Variants in MRTFA observed in about 807,000 individuals in gnomAD.
MRTFA encodes the protein myocardin-related transcription factor A.
A neutral mutation model predicts 83.5 loss-of-function variants in MRTFA; 20 were observed. The ratio of observed to expected loss-of-function variants is 0.24; its 90% CI spans 0.17 to 0.35. The LOEUF (loss-of-function observed/expected upper bound fraction) is 0.35. Ranked by LOEUF, MRTFA falls within the 10% of genes least tolerant of loss-of-function variation. The pLI is 1.00. For missense variants in MRTFA, 1,200 were observed against 1,224.7 expected (o/e 0.98, Z 0.30); for synonymous variants, 659 against 541.2 (o/e 1.22, Z -3.02).
At chr22:40,461,903 C>G (rs564672884) in intron 4 of MRTFA, among the ~76,000 whole-genome samples, 1 of 152,210 alleles carries the variant, frequency 6.6e-6, no homozygotes, top group Non-Finnish European at 1.5e-5. Context: ...TGCCCCTTCT[C>G]TCTCTCCACC....
intron 3 of MRTFA, among the ~76,000 whole-genome samples, chr22:40,515,101 G>A (rs1367412300): frequency 1.3e-5 from 2 of 151,364 alleles, no homozygotes; most frequent in African/African-American, 4.9e-5. Context: ...TAGAGACGAG[G>A]TTTCACCATA....
chr22:40,538,985 CTTTTG>C (rs1347540853), intron 3 of MRTFA, among the ~76,000 whole-genome samples: 2 of 106,888 alleles, frequency 1.9e-5, no homozygotes, highest in African/African-American at 3.8e-5. Context: ...GATACACAGC[CTTTTG>C]TTTTTTTTTT....
At chr22:40,488,000 A>G (rs2054202188) in intron 3 of MRTFA, among the ~76,000 whole-genome samples, 1 of 152,224 alleles carries the variant, frequency 6.6e-6, no homozygotes, top group Admixed American at 6.5e-5. Context: ...TATCACACAC[A>G]TACAACCATC....
At chr22:40,424,986 C>T (rs1443044167) in intron 7 of MRTFA, among the ~76,000 whole-genome samples, 2 of 152,196 alleles carry the variant, frequency 1.3e-5, no homozygotes, top group Non-Finnish European at 2.9e-5. Flanking sequence ...TGTTTGCCTG[C>T]ACAGGTGAAA....
At chr22:40,435,401 G>C in intron 5 of MRTFA, 98 bp downstream of exon 5, 2 of 1,340,106 alleles carry the variant, frequency 1.5e-6, no homozygotes, top group South Asian at 2.3e-5. Flanking sequence ...TCTGGCCTCA[G>C]AGTTCTATGG....
At chr22:40,439,009 A>C (rs1428363717) in intron 4 of MRTFA, among the ~76,000 whole-genome samples, 1 of 152,240 alleles carries the variant, frequency 6.6e-6, no homozygotes, top group Non-Finnish European at 1.5e-5. Context: ...TAATATTCCT[A>C]ATCATTCTAC....
intron 3 of MRTFA, among the ~76,000 whole-genome samples, chr22:40,465,089 C>A (rs750493155): frequency 1.3e-5 from 2 of 152,124 alleles, no homozygotes; most frequent in African/African-American, 2.4e-5. Flanking sequence ...AAATGCCTAC[C>A]CTGTTCATCT....
chr22:40,599,776 A>G (rs1463104014), intron 1 of MRTFA, among the ~76,000 whole-genome samples: 1 of 151,670 alleles, frequency 6.6e-6, no homozygotes, highest in South Asian at 2.1e-4. Context: ...GTGTTTGCCT[A>G]AAGTCCCAAC....
Position 40,418,494 on chromosome 22 carries a change from G to A in MRTFA, c.2244C>T (p.Ser748=), listed in dbSNP as rs934272367. Residue 748 remains serine, a synonymous_variant, in exon 12 of 15, where the codon AGC becomes AGT. Transcript: ENST00000355630. ...TGGGAGGTGCAACCCCCTTGATGAG[G>A]CTGGGGCCCTGAGGCCCCAGAAGCA... is the stretch of plus-strand genomic sequence containing the variant. 1.2e-6 allele frequency: 2 copies of A among 1,607,118 alleles called. No homozygotes were observed. The highest frequency in any genetic ancestry group is 1.7e-6 in the Non-Finnish European group (2 of 1,177,834).
At chr22:40,618,968 A>G (rs2056487385) in intron 1 of MRTFA, among the ~76,000 whole-genome samples, 1 of 150,698 alleles carries the variant, frequency 6.6e-6, no homozygotes, top group Admixed American at 6.6e-5. Flanking sequence ...CTCAAAAATA[A>G]AAATAAAAAT....
chr22:40,542,708 A>G (rs2147297797), intron 3 of MRTFA, among the ~76,000 whole-genome samples: 1 of 152,344 alleles, frequency 6.6e-6, no homozygotes, highest in Middle Eastern at 3.4e-3. Context: ...TTGTCCAACT[A>G]AGGAGAAAGT....
intron 3 of MRTFA, among the ~76,000 whole-genome samples, chr22:40,528,629 C>T (rs2055020267): frequency 6.6e-6 from 1 of 151,084 alleles, no homozygotes; most frequent in Admixed American, 6.6e-5. Flanking sequence ...CCCAGCTACT[C>T]AGGAGGCTGA....
chr22:40,616,659 C>A (rs2056452027), intron 1 of MRTFA, among the ~76,000 whole-genome samples: 5 of 152,140 alleles, frequency 3.3e-5, no homozygotes, highest in Admixed American at 3.3e-4. Context: ...ACAAGGTAGA[C>A]ACAAGTGCCA....
intron 2 of MRTFA, among the ~76,000 whole-genome samples, chr22:40,592,691 C>T (rs1281229449): frequency 6.6e-6 from 1 of 151,900 alleles, no homozygotes; most frequent in Non-Finnish European, 1.5e-5. Flanking sequence ...CAGGATTTCA[C>T]CATGTTGCCC....
At chr22:40,443,448 G>A (rs1368997402) in intron 4 of MRTFA, among the ~76,000 whole-genome samples, 1 of 151,986 alleles carries the variant, frequency 6.6e-6, no homozygotes, top group Non-Finnish European at 1.5e-5. Flanking sequence ...CCCAAAAAAA[G>A]AGACATGGTG....
intron 1 of MRTFA, among the ~76,000 whole-genome samples, chr22:40,620,310 G>T (rs2147432532): frequency 6.6e-6 from 1 of 151,780 alleles, no homozygotes; most frequent in East Asian, 1.9e-4. Context: ...TTTTAGTAGA[G>T]ATGGGGTTTC....
chr22:40,526,855 CTTGGGAGGCAGAG>C (rs1395253791), intron 3 of MRTFA: 1 of 152,004 alleles, frequency 6.6e-6, no homozygotes, highest in African/African-American at 2.4e-5. Flanking sequence ...ATCCTAATAC[CTTGGGAGGCAGAG>C]GTGGGAGGAC....
chr22:40,565,890 T>C (rs897691006), intron 2 of MRTFA, among the ~76,000 whole-genome samples: 2 of 152,176 alleles, frequency 1.3e-5, no homozygotes, highest in Non-Finnish European at 2.9e-5. Context: ...GCATTCAATC[T>C]TCACAACACT....
chr22:40,518,621 G>A (rs995133761), intron 3 of MRTFA, among the ~76,000 whole-genome samples: 3 of 151,494 alleles, frequency 2.0e-5, no homozygotes, highest in East Asian at 1.9e-4. Context: ...GTGAAACCCC[G>A]TCTCTACTAA....
Sources: gnomAD v4.1 joint callset for allele counts (sites outside exome capture counted in the v4.1 genomes callset) on GRCh38, gnomAD v4.1.1 for gene constraint, MANE v1.5 for transcripts, NCBI Gene and HGNC (gene_info 2026-07-23, HGNC 2026-07-21) for gene names.